Variants in TRIM24 observed in about 807,000 individuals in gnomAD.
The protein encoded by TRIM24 is transcription intermediary factor 1-alpha.
In TRIM24, 29 loss-of-function variants were observed where a neutral mutation model predicts 123.9. That is an observed-to-expected ratio of 0.23 (90% CI 0.17 to 0.32). The LOEUF (loss-of-function observed/expected upper bound fraction) is 0.32, where lower values mean the gene tolerates loss of function less well. TRIM24 is among the 10% of genes least tolerant of loss of function. The probability of loss-of-function intolerance (pLI) is 1.00; values close to 1 mark genes in which losing one functional copy is unlikely to be tolerated. For synonymous variants in TRIM24, 456 were observed against 461.1 expected, an observed-to-expected ratio of 0.99 and a Z score of 0.14; for missense variants, 932 against 1,295.3, an observed-to-expected ratio of 0.72 and a Z score of 4.31.
chr7:138,546,978 G>C (rs1797114508), intron 7 of TRIM24, among the ~76,000 whole-genome samples: 1 of 152,168 alleles, frequency 6.6e-6, no homozygotes, highest in African/African-American at 2.4e-5. Flanking sequence ...ATAGATGTAT[G>C]TACTCCTGGG....
intron 7 of TRIM24, among the ~76,000 whole-genome samples, chr7:138,542,348 G>A (rs1797021514): frequency 6.6e-6 from 1 of 152,114 alleles, no homozygotes; most frequent in African/African-American, 2.4e-5. Flanking sequence ...AAATTGTTGT[G>A]TCTGAGACTA....
chr7:138,497,071 A>T (rs1202878326), intron 1 of TRIM24, among the ~76,000 whole-genome samples: 1 of 152,174 alleles, frequency 6.6e-6, no homozygotes, highest in East Asian at 1.9e-4. Flanking sequence ...TTTTAGTATC[A>T]GGGTAATACT....
rs1444793891 is a variant in TRIM24, at chr7:138,554,842, G to A, written c.1406G>A (p.Arg469Gln). 9.9e-6 allele frequency: 16 copies of A among 1,613,986 alleles called. No homozygotes were observed. Among genetic ancestry groups the A allele is most frequent in the Non-Finnish European group, 1.4e-5 (16 of 1,180,008 alleles). ...FPTQISLAQL[R>Q]LQHMQQQVMA... ...ACACAGATCAGCCTAGCTCAATTACGGCTCCAGCATATGCAGCAACAGGTA... is the reference window on the plus strand; with the variant it reads ...ACACAGATCAGCCTAGCTCAATTACAGCTCCAGCATATGCAGCAACAGGTA... Residue 469 changes from arginine to glutamine, a missense_variant, in exon 9 of 19, where the codon CGG becomes CAG. Physicochemically the swap from Arg to Gln is conservative, Grantham distance 43. Transcript: ENST00000343526. The surrounding 1 kb of genome is among the most constrained non-coding windows in gnomAD (Gnocchi z 4.5).
At chr7:138,583,523 G>A (rs1433233014) in intron 17 of TRIM24, among the ~76,000 whole-genome samples, 1 of 152,172 alleles carries the variant, frequency 6.6e-6, no homozygotes, top group African/African-American at 2.4e-5. Flanking sequence ...GAGAGGCTGA[G>A]GTGAGAGGAT....
intron 9 of TRIM24, among the ~76,000 whole-genome samples, chr7:138,558,354 C>G (rs1468583960): frequency 1.3e-5 from 2 of 152,314 alleles, no homozygotes; most frequent in East Asian, 3.9e-4. Context: ...CCCCAGCGAA[C>G]AATGCAGAAT....
chr7:138,528,815 G>A (rs1796667904), intron 5 of TRIM24, among the ~76,000 whole-genome samples: 1 of 115,282 alleles, frequency 8.7e-6, no homozygotes, highest in African/African-American at 3.5e-5. Context: ...GTAGAGCATT[G>A]ATTTTCCTGG....
At chr7:138,481,376 G>A (rs894280038) in intron 1 of TRIM24, among the ~76,000 whole-genome samples, 16 of 151,962 alleles carry the variant, frequency 1.1e-4, no homozygotes, top group African/African-American at 3.6e-4. Context: ...ATGCGCCACC[G>A]TGTCTGGCTA....
intron 1 of TRIM24, among the ~76,000 whole-genome samples, chr7:138,474,657 G>C (rs1795357872): frequency 6.6e-6 from 1 of 152,156 alleles, no homozygotes; most frequent in Non-Finnish European, 1.5e-5. Context: ...ATGGATCCAA[G>C]TTCATTTTAT....
intron 6 of TRIM24, among the ~76,000 whole-genome samples, chr7:138,529,520 C>G (rs917422425): frequency 1.3e-5 from 2 of 152,112 alleles, no homozygotes; most frequent in African/African-American, 4.8e-5. Flanking sequence ...TTTCGAGATG[C>G]ACTGAAATGA....
chr7:138,548,702 G>T (rs1287654189), intron 7 of TRIM24, among the ~76,000 whole-genome samples: 1 of 151,890 alleles, frequency 6.6e-6, no homozygotes, highest in African/African-American at 2.4e-5. Context: ...TAAATGTTTT[G>T]ATTTTTGTAA....
chr7:138,466,735 G>A (rs1048302613), intron 1 of TRIM24, among the ~76,000 whole-genome samples: 2 of 151,898 alleles, frequency 1.3e-5, no homozygotes, highest in East Asian at 3.9e-4. Flanking sequence ...TGTATTGCAG[G>A]TATTGACTCT....
intron 10 of TRIM24, among the ~76,000 whole-genome samples, chr7:138,569,667 T>C (rs976458715): frequency 2.0e-5 from 3 of 152,210 alleles, no homozygotes; most frequent in Non-Finnish European, 4.4e-5. Flanking sequence ...AAGACATTCA[T>C]GTCCAACTTC....
chr7:138,583,903 G>T lies in TRIM24; in HGVS notation c.2847G>T (p.Lys949Asn), dbSNP rs781232774. 2 of 1,599,708 alleles carry T rather than the reference G, an allele frequency of 1.3e-6. No homozygotes were observed. The highest frequency in any genetic ancestry group is 8.5e-7 in the Non-Finnish European group (1 of 1,174,778). The part of the protein sequence containing the change: ...IKNPMDLSTI[K>N]KRLQEDYSMY... ...ATCCAATGGATTTGTCAACCATCAA[G>T]AAAAGACTACAAGAAGATTATTCCA... The change falls in exon 18 of 19, where the codon AAG becomes AAT. Residue 949 changes from lysine to asparagine, a missense_variant. Lys to Asn is a moderately conservative substitution (Grantham distance 94). Around this residue, in one of 7 missense-constraint regions of TRIM24, gnomAD observed 104 missense variants for 121.5 expected, o/e 0.86. Transcript: ENST00000343526.
intron 11 of TRIM24, among the ~76,000 whole-genome samples, 197 bp downstream of exon 11, chr7:138,571,200 A>C (rs1039898784): frequency 1.3e-5 from 2 of 152,076 alleles, no homozygotes; most frequent in Admixed American, 6.6e-5. Flanking sequence ...GCATGATAGC[A>C]CACGCCTGTA....
intron 2 of TRIM24, among the ~76,000 whole-genome samples, chr7:138,510,238 A>G (rs1044778391): frequency 1.2e-4 from 19 of 152,248 alleles, no homozygotes; most frequent in African/African-American, 4.6e-4. Flanking sequence ...ATGTGAAACC[A>G]GCTTGTAAAG....
intron 2 of TRIM24, among the ~76,000 whole-genome samples, chr7:138,504,770 T>A (rs549924698): frequency 6.8e-6 from 1 of 146,434 alleles, no homozygotes; most frequent in Non-Finnish European, 1.5e-5. Context: ...TCTTTTTTTT[T>A]TTTTAATTGA....
chr7:138,521,226 T>C (rs1796497861), intron 4 of TRIM24, among the ~76,000 whole-genome samples: 1 of 151,992 alleles, frequency 6.6e-6, no homozygotes, highest in South Asian at 2.1e-4. Context: ...GAAAGGAAAA[T>C]GGAGCAATAG....
At position 138,554,804 on chromosome 7, in the gene TRIM24, A is replaced by G; in HGVS notation, c.1368A>G (p.Leu456=). 3 of 1,614,234 alleles carry G rather than the reference A, an allele frequency of 1.9e-6. No individual in the cohort carries two copies. Among genetic ancestry groups the G allele is most frequent in the Non-Finnish European group, 2.5e-6 (3 of 1,180,030 alleles). The change falls in exon 9 of 19, where the codon TTA becomes TTG. Residue 456 remains leucine, a synonymous_variant. Coordinates refer to ENST00000343526, the MANE Select transcript of TRIM24 (RefSeq NM_015905.3). This position sits in a 1 kb window ranked among gnomAD's most constrained non-coding sequence, Gnocchi z 4.5. ...CAAGTGGTTTATCATCAAACCAGTT[A>G]TCCAAGTTCCCAACACAGATCAGCC... ...QPPSGLSSNQ[L]SKFPTQISLA...
At chr7:138,557,070 T>C (rs540755684) in intron 9 of TRIM24, among the ~76,000 whole-genome samples, 101 of 152,218 alleles carry the variant, frequency 6.6e-4, no homozygotes, top group African/African-American at 2.2e-3. Context: ...AACCTGGAAA[T>C]TGAGTAATGG....
Sources: allele counts gnomAD v4.1 joint callset (sites outside exome capture counted in the v4.1 genomes callset), GRCh38; gene constraint gnomAD v4.1.1; regional missense constraint gnomAD v4.1.1; non-coding constraint Gnocchi (gnomAD v3.1); transcripts MANE v1.5; gene names NCBI Gene and HGNC (gene_info 2026-07-23, HGNC 2026-07-21).